Variants in NRXN3 observed in about 807,000 individuals in gnomAD.
NRXN3 encodes the protein neurexin III.
A neutral mutation model predicts 137.6 loss-of-function variants in NRXN3; 32 were observed. The observed-to-expected ratio is 0.23, with a 90% confidence interval of 0.18 to 0.31. The LOEUF (loss-of-function observed/expected upper bound fraction) is 0.31. NRXN3 is among the 10% of genes least tolerant of loss of function. The pLI is 1.00. For synonymous variants in NRXN3, 798 were observed against 784.5 expected (o/e 1.02, Z -0.29); for missense variants, 1,574 against 2,062.5 (o/e 0.76, Z 4.59).
intron 20 of NRXN3, among the ~76,000 whole-genome samples, chr14:79,847,687 A>C (rs2099382614): frequency 6.6e-6 from 1 of 152,226 alleles, no homozygotes; most frequent in South Asian, 2.1e-4. Context: ...AAGAGACCAA[A>C]GGGGCTGAGG....
At chr14:79,096,511 ATG>A in intron 15 of NRXN3, among the ~76,000 whole-genome samples, 1 of 151,838 alleles carries the variant, frequency 6.6e-6, no homozygotes, top group South Asian at 2.1e-4. Flanking sequence ...ACTAATAACT[ATG>A]AGACTGCAGG....
rs1045193832 is a variant in NRXN3, at chr14:78,242,854, C to T, written c.-240C>T. On this transcript the variant is annotated 5_prime_UTR_variant, in exon 2 of 21. Transcript: ENST00000335750. ...TGATTTTCCTCCTCTTCTGCTGGTC[C>T]TGTCTTTTTCTACTGCCTCTTTATT... 54 of 471,304 alleles carry T rather than the reference C, an allele frequency of 1.1e-4. No individual in the cohort carries two copies. Among genetic ancestry groups the T allele is most frequent in the Non-Finnish European group, 1.6e-4 (43 of 270,054 alleles). The allele number at this position is 471,304 out of a possible 1,614,324, so 29.2% of individuals were successfully genotyped here. A position where few individuals can be genotyped will look rare whatever the true frequency, so the allele number is the denominator to read the frequency against.
rs181153008 is a variant in NRXN3 at position 79,274,453 on chromosome 14, C to T, written c.3263-192768C>T. 6.6e-5 allele frequency among the ~76,000 whole-genome samples: 10 copies of T among 152,064 alleles called. No homozygotes were observed. The East Asian group carries it at 1.7e-3, about 26-fold the overall frequency. On this transcript the variant is annotated intron_variant, in intron 15 of 20. Transcript: ENST00000335750. ...CTCATTTTATTTGATTCCCTAAAAC[C>T]GGACAGAGATTTCCATGGTGCTGAG...
chr14:78,661,829 T>C (rs2097844231), intron 6 of NRXN3, among the ~76,000 whole-genome samples: 1 of 152,174 alleles, frequency 6.6e-6, no homozygotes, highest in African/African-American at 2.4e-5. Flanking sequence ...AGATCATGCA[T>C]GTAAAATAGC....
intron 20 of NRXN3, among the ~76,000 whole-genome samples, chr14:79,808,097 GCGT>G (rs1383506399): frequency 6.6e-6 from 1 of 151,894 alleles, no homozygotes; most frequent in Admixed American, 6.6e-5. Context: ...AATTAGCCAG[GCGT>G]GGTGGCAGGC....
At chr14:79,091,425 T>A (rs1339484154) in intron 15 of NRXN3, among the ~76,000 whole-genome samples, 3 of 152,138 alleles carry the variant, frequency 2.0e-5, no homozygotes, top group Non-Finnish European at 2.9e-5. Flanking sequence ...AGAAGTTGCA[T>A]CTGGCTCAGA....
At chr14:79,656,315 C>T (rs1567794032) in intron 16 of NRXN3, among the ~76,000 whole-genome samples, 1 of 152,156 alleles carries the variant, frequency 6.6e-6, no homozygotes, top group African/African-American at 2.4e-5. Context: ...GGAGACTGCT[C>T]CAGGTCTTGG....
chr14:79,609,644 T>C (rs1228297013), intron 16 of NRXN3, among the ~76,000 whole-genome samples: 1 of 152,220 alleles, frequency 6.6e-6, no homozygotes, highest in Non-Finnish European at 1.5e-5. Context: ...TATCACTACG[T>C]AGAGTAAAAT....
At chr14:79,398,306 C>G (rs1013572287) in intron 15 of NRXN3, among the ~76,000 whole-genome samples, 2 of 152,156 alleles carry the variant, frequency 1.3e-5, no homozygotes, top group Non-Finnish European at 2.9e-5. Context: ...GACCTAGGAT[C>G]CTCTTAGAAT....
At chr14:79,613,252 T>A (rs1041590456) in intron 16 of NRXN3, among the ~76,000 whole-genome samples, 2 of 152,374 alleles carry the variant, frequency 1.3e-5, no homozygotes, top group Admixed American at 1.3e-4. Flanking sequence ...TAAACTATAA[T>A]GCTTAAACTG....
At chr14:78,606,748 G>A (rs1188548213) in intron 4 of NRXN3, among the ~76,000 whole-genome samples, 1 of 152,142 alleles carries the variant, frequency 6.6e-6, no homozygotes, top group Non-Finnish European at 1.5e-5. Context: ...GGCATGTTTG[G>A]TTTAGTACCT....
At chr14:79,699,333 G>GC (rs1211506980) in intron 19 of NRXN3, among the ~76,000 whole-genome samples, 17 of 152,146 alleles carry the variant, frequency 1.1e-4, no homozygotes, top group African/African-American at 4.1e-4. Flanking sequence ...TATTGTTGGT[G>GC]AAAGGATAGT....
rs144312161 is a variant in NRXN3 at position 78,610,882 on chromosome 14, A to G, written c.758-34238A>G. ...GGAAATGCAGAGGAGAATCTGCTGCATAGGACCACTGGAATATAGATTGTG... is the reference window on the plus strand; with the variant it reads ...GGAAATGCAGAGGAGAATCTGCTGCGTAGGACCACTGGAATATAGATTGTG... On this transcript the variant is annotated intron_variant, in intron 4 of 20. Coordinates refer to ENST00000335750, the MANE Select transcript of NRXN3 (RefSeq NM_001330195.2). Among the ~76,000 whole-genome samples, 790 of 152,368 alleles carry G rather than the reference A, an allele frequency of 5.2e-3. 10 individuals carry two copies. The highest frequency in any genetic ancestry group is 0.018 in the African/African-American group (748 of 41,588).
intron 10 of NRXN3, among the ~76,000 whole-genome samples, chr14:78,913,307 G>A (rs2099245835): frequency 1.3e-5 from 1 of 77,230 alleles, no homozygotes; most frequent in African/African-American, 5.5e-5. Context: ...TTGAGACAGA[G>A]TCTTGCTGTG....
At chr14:79,185,041 ATGT>A (rs2063358298) in intron 15 of NRXN3, among the ~76,000 whole-genome samples, 1 of 152,252 alleles carries the variant, frequency 6.6e-6, no homozygotes, top group African/African-American at 2.4e-5. Flanking sequence ...CACAGTTGAC[ATGT>A]TGTCTATTAA....
intron 4 of NRXN3, among the ~76,000 whole-genome samples, chr14:78,605,609 C>T (rs535313588): frequency 2.2e-4 from 33 of 152,126 alleles, no homozygotes; most frequent in African/African-American, 6.5e-4. Context: ...ATATGGGAGG[C>T]GCCATCTCTG....
chr14:79,577,278 C>T (rs2097674259), intron 16 of NRXN3, among the ~76,000 whole-genome samples: 1 of 152,150 alleles, frequency 6.6e-6, no homozygotes, highest in Admixed American at 6.5e-5. Flanking sequence ...CAGACAAATA[C>T]ACTGTTTATC....
At chr14:78,232,802 T>C (rs1596197714) in intron 1 of NRXN3, among the ~76,000 whole-genome samples, 2 of 152,236 alleles carry the variant, frequency 1.3e-5, no homozygotes, top group African/African-American at 4.8e-5. Flanking sequence ...AGCAGCCAGA[T>C]GGCTTTCCAA....
chr14:79,241,820 A>T (rs1164101549), intron 15 of NRXN3, among the ~76,000 whole-genome samples: 1 of 152,166 alleles, frequency 6.6e-6, no homozygotes, highest in Admixed American at 6.5e-5. Flanking sequence ...TAATCCCAAC[A>T]CTTTGGGAGG....
Sources: gnomAD v4.1 joint callset for allele counts (sites outside exome capture counted in the v4.1 genomes callset) on GRCh38, gnomAD v4.1.1 for gene constraint, MANE v1.5 for transcripts, NCBI Gene and HGNC (gene_info 2026-07-23, HGNC 2026-07-21) for gene names.